Variants in MACROD2 observed in about 807,000 individuals in gnomAD.
MACROD2 encodes the protein mono-ADP ribosylhydrolase 2.
Under a neutral mutation model 70.4 loss-of-function variants are expected in MACROD2, and 36 were observed. The observed-to-expected ratio is 0.51, with a 90% confidence interval of 0.39 to 0.68. The LOEUF (loss-of-function observed/expected upper bound fraction) is 0.68, where lower values mean the gene tolerates loss of function less well. MACROD2 is among the 30% of genes least tolerant of loss of function. MACROD2 has a pLI of 0.00. For synonymous variants in MACROD2, 172 were observed against 178.8 expected, an observed-to-expected ratio of 0.96 and a Z score of 0.30; for missense variants, 496 against 538.4, an observed-to-expected ratio of 0.92 and a Z score of 0.78.
intron 8 of MACROD2, among the ~76,000 whole-genome samples, chr20:15,560,100 A>T (rs13042710): frequency 6.6e-6 from 1 of 152,146 alleles, no homozygotes; most frequent in Non-Finnish European, 1.5e-5. Flanking sequence ...ACATATGGCT[A>T]TGGTGGTCTC....
At chr20:14,160,579 T>C (rs2055170762) in intron 3 of MACROD2, among the ~76,000 whole-genome samples, 1 of 152,132 alleles carries the variant, frequency 6.6e-6, no homozygotes, top group Non-Finnish European at 1.5e-5. Context: ...GTCTCCTTTT[T>C]CATTTCTGAT....
At chr20:15,217,757 T>C (rs987705005) in intron 5 of MACROD2, among the ~76,000 whole-genome samples, 9 of 152,226 alleles carry the variant, frequency 5.9e-5, no homozygotes, top group Admixed American at 3.3e-4. Context: ...TCACCAGATA[T>C]TATTTATTTT....
chr20:14,002,487 A>G, intron 2 of MACROD2, 83 bp downstream of exon 2: 4 of 760,416 alleles, frequency 5.3e-6, no homozygotes, highest in Non-Finnish European at 8.8e-6. Flanking sequence ...CTGGCGTTCA[A>G]TAAAGAGATT....
chr20:15,218,923 G>A (rs988115573), intron 5 of MACROD2, among the ~76,000 whole-genome samples: 1 of 152,130 alleles, frequency 6.6e-6, no homozygotes, highest in African/African-American at 2.4e-5. Context: ...GCGTGTGCCT[G>A]TAGTCCCAGC....
intron 4 of MACROD2, among the ~76,000 whole-genome samples, chr20:14,541,036 GCAAAAAGTATACAT>G (rs1457892835): frequency 3.9e-5 from 6 of 152,242 alleles, no homozygotes; most frequent in African/African-American, 1.4e-4. Context: ...AATGCATTCT[GCAAAAAGTATACAT>G]CAAAAATTGT....
chr20:14,381,867 C>T (rs1013693378), intron 3 of MACROD2, among the ~76,000 whole-genome samples: 1 of 152,152 alleles, frequency 6.6e-6, no homozygotes, highest in Admixed American at 6.5e-5. Flanking sequence ...TGAATTCACA[C>T]TCTCAAGAGG....
At chr20:15,635,701 A>G (rs1359204072) in intron 8 of MACROD2, among the ~76,000 whole-genome samples, 3 of 152,200 alleles carry the variant, frequency 2.0e-5, no homozygotes, top group African/African-American at 7.2e-5. Context: ...TACACATGTA[A>G]CAAACCTGTG....
intron 8 of MACROD2, chr20:15,552,402 C>A (rs547974099): frequency 1.3e-5 from 2 of 152,298 alleles, no homozygotes; most frequent in African/African-American, 4.8e-5. Flanking sequence ...TTCCGCAATA[C>A]TCCAATCTGC....
intron 4 of MACROD2, among the ~76,000 whole-genome samples, chr20:14,669,495 A>C (rs1410754546): frequency 9.2e-5 from 14 of 152,172 alleles, no homozygotes; most frequent in Non-Finnish European, 1.6e-4. Flanking sequence ...AAGCCATAAA[A>C]TGACATATTT....
At chr20:14,692,774 A>G (rs978401225) in intron 5 of MACROD2, among the ~76,000 whole-genome samples, 5 of 152,156 alleles carry the variant, frequency 3.3e-5, no homozygotes, top group African/African-American at 1.2e-4. Flanking sequence ...ACAGGGGCCA[A>G]ACTTTGCTTA....
intron 5 of MACROD2, among the ~76,000 whole-genome samples, chr20:15,135,455 G>T (rs1190330991): frequency 1.3e-5 from 2 of 148,334 alleles, no homozygotes; most frequent in Non-Finnish European, 3.0e-5. Context: ...CAGAACCAAA[G>T]ACAAAAGCCA....
At chr20:14,568,304 A>G (rs1979941945) in intron 4 of MACROD2, among the ~76,000 whole-genome samples, 1 of 152,060 alleles carries the variant, frequency 6.6e-6, no homozygotes, top group Admixed American at 6.6e-5. Context: ...CAGAAGGCCA[A>G]AGGATCTCAT....
At chr20:15,429,871 G>A (rs140873410) in intron 6 of MACROD2, among the ~76,000 whole-genome samples, 11 of 152,098 alleles carry the variant, frequency 7.2e-5, no homozygotes, top group East Asian at 3.9e-4. Flanking sequence ...TAGTGTAACC[G>A]TCACTCTAAC....
At chr20:14,634,059 T>C (rs1049049210) in intron 4 of MACROD2, among the ~76,000 whole-genome samples, 4 of 152,192 alleles carry the variant, frequency 2.6e-5, no homozygotes, top group African/African-American at 9.6e-5. Context: ...TCCAGGAGCA[T>C]TGCTCTCTTC....
At chr20:14,093,978 G>T (rs1001245009) in intron 3 of MACROD2, among the ~76,000 whole-genome samples, 6 of 148,110 alleles carry the variant, frequency 4.1e-5, no homozygotes, top group African/African-American at 1.5e-4. Context: ...GAGGGCTGAG[G>T]TTTTTTTTTT....
chr20:15,280,723 C>A (rs6043166), intron 6 of MACROD2: 31,330 of 152,140 alleles, frequency 0.21, 3,550 homozygotes, highest in African/African-American at 0.31. Flanking sequence ...CACTTTCACT[C>A]TAAGACTTCT....
In MACROD2 at chr20:15,431,534, T is replaced by A. The variant is rs879247523; in HGVS notation, c.571+99T>A. Reference sequence around the variant, plus strand: ...TAAGAGGTTCTCTGATGAATATATTTTGCTGTGATTTAGAGACTAAAAATG... The same window carrying A: ...TAAGAGGTTCTCTGATGAATATATTATGCTGTGATTTAGAGACTAAAAATG... On this transcript the variant is annotated intron_variant, in intron 7 of 17. Transcript: ENST00000684519. 26 of 1,151,678 alleles carry A rather than the reference T, an allele frequency of 2.3e-5. No homozygotes were observed. The South Asian group carries it at 3.4e-4, about 15-fold the overall frequency. The allele number at this position is 1,151,678 out of a possible 1,614,324, so 71.3% of individuals were successfully genotyped here. A position where few individuals can be genotyped will look rare whatever the true frequency, so the allele number is the denominator to read the frequency against.
At chr20:14,917,035 T>C (rs1469559774) in intron 5 of MACROD2, among the ~76,000 whole-genome samples, 3 of 151,842 alleles carry the variant, frequency 2.0e-5, no homozygotes, top group Non-Finnish European at 4.4e-5. Flanking sequence ...GCCATTCCTA[T>C]TAAGGAAGGG....
intron 5 of MACROD2, among the ~76,000 whole-genome samples, chr20:14,885,972 G>T (rs6079596): frequency 0.027 from 4,042 of 152,246 alleles, 87 homozygotes; most frequent in Non-Finnish European, 0.042. Context: ...ATAAATAAAA[G>T]AGCCTTTTGT....
Sources: gnomAD v4.1 joint callset for allele counts (sites outside exome capture counted in the v4.1 genomes callset) on GRCh38, gnomAD v4.1.1 for gene constraint, MANE v1.5 for transcripts, NCBI Gene and HGNC (gene_info 2026-07-23, HGNC 2026-07-21) for gene names.